Variants in TASP1 observed in about 807,000 individuals in gnomAD.
TASP1 encodes the protein taspase 1.
TASP1 carries 16 observed loss-of-function variants against 56.6 expected under a neutral mutation model. That is an observed-to-expected ratio of 0.28 (90% CI 0.19 to 0.43). TASP1 has a LOEUF of 0.43. Ranked by LOEUF, TASP1 falls within the 20% of genes least tolerant of loss-of-function variation. The pLI is 1.00. For missense variants in TASP1, 393 were observed against 511.6 expected (o/e 0.77, Z 2.24); for synonymous variants, 179 against 184.2 (o/e 0.97, Z 0.23).
intron 12 of TASP1, among the ~76,000 whole-genome samples, chr20:13,421,448 T>C (rs912079139): frequency 2.0e-5 from 3 of 152,086 alleles, no homozygotes; most frequent in Admixed American, 6.6e-5. Context: ...TGGGGAAATA[T>C]TTGCAATTCA....
At chr20:13,403,741 C>A (rs1249971801) in intron 13 of TASP1, among the ~76,000 whole-genome samples, 1 of 151,942 alleles carries the variant, frequency 6.6e-6, no homozygotes, top group South Asian at 2.1e-4. Flanking sequence ...AAAAATTAGC[C>A]AGGTGAGGTG....
chr20:13,185,022 TA>T, the TASP1 span, among the ~76,000 whole-genome samples: 1 of 151,636 alleles, frequency 6.6e-6, no homozygotes, highest in South Asian at 2.1e-4. Flanking sequence ...TATGGAAGAT[TA>T]AAAAAATAAC....
chr20:13,481,732 G>C lies in TASP1; in HGVS notation c.985+1495C>G, dbSNP rs540094690. On this transcript the variant is annotated intron_variant, in intron 11 of 13. Transcript: ENST00000337743. ...ATTTTTATGTCTTCATTTGAGAAAT[G>C]TCTGTTCAAATCTTTTGCCCATTTT... is the stretch of plus-strand genomic sequence containing the variant. Among the ~76,000 whole-genome samples the C allele has an allele frequency of 2.0e-5, 3 of 152,138 alleles. No homozygotes were observed. The South Asian group carries it at 6.2e-4, about 32-fold the overall frequency.
the TASP1 span, among the ~76,000 whole-genome samples, chr20:13,190,640 A>G: frequency 6.6e-6 from 1 of 152,168 alleles, no homozygotes; most frequent in East Asian, 1.9e-4. Flanking sequence ...CTAGAAGAAA[A>G]CATTGGGTAA....
the TASP1 span, among the ~76,000 whole-genome samples, chr20:13,172,027 T>G: frequency 0.02 from 2,974 of 151,774 alleles, 54 homozygotes; most frequent in South Asian, 0.03. Flanking sequence ...TCTTTGAATC[T>G]CAGAATATAA....
At chr20:13,182,140 C>A in the TASP1 span, among the ~76,000 whole-genome samples, 4 of 152,214 alleles carry the variant, frequency 2.6e-5, no homozygotes, top group African/African-American at 9.6e-5. Context: ...CCAGACTAAG[C>A]CCTGCCTTTT....
At chr20:13,226,251 T>C in the TASP1 span, among the ~76,000 whole-genome samples, 2 of 152,362 alleles carry the variant, frequency 1.3e-5, no homozygotes, top group East Asian at 3.9e-4. Flanking sequence ...TAGCTTCTTG[T>C]ATTCACTGCT....
At chr20:13,358,274 C>G in the TASP1 span, among the ~76,000 whole-genome samples, 2 of 152,350 alleles carry the variant, frequency 1.3e-5, no homozygotes, top group African/African-American at 4.8e-5. Context: ...GTGAAATAAA[C>G]AGCCATGTTG....
intron 11 of TASP1, among the ~76,000 whole-genome samples, chr20:13,481,715 GTCT>G (rs2146504052): frequency 6.6e-6 from 1 of 152,194 alleles, no homozygotes; most frequent in African/African-American, 2.4e-5. Context: ...CAATTTTTAT[GTCT>G]TCATTTGAGA....
At chr20:13,320,541 G>A in the TASP1 span, among the ~76,000 whole-genome samples, 1 of 152,188 alleles carries the variant, frequency 6.6e-6, no homozygotes, top group Non-Finnish European at 1.5e-5. Flanking sequence ...CAAATATTAA[G>A]GGAGGATGCT....
At chr20:13,433,842 A>T (rs1010798754) in intron 12 of TASP1, among the ~76,000 whole-genome samples, 23 of 77,222 alleles carry the variant, frequency 3.0e-4, no homozygotes, top group African/African-American at 8.8e-4. Flanking sequence ...TGTTTGTATT[A>T]AAAAAAAAAA....
intron 4 of TASP1, among the ~76,000 whole-genome samples, chr20:13,594,764 A>G (rs1224207721): frequency 2.0e-5 from 3 of 152,250 alleles, no homozygotes; most frequent in Non-Finnish European, 2.9e-5. Context: ...TATACCTCAA[A>G]GTGACAGGCA....
At chr20:13,414,460 C>T (rs1188167021) in intron 13 of TASP1, among the ~76,000 whole-genome samples, 5 of 152,226 alleles carry the variant, frequency 3.3e-5, no homozygotes, top group Middle Eastern at 3.4e-3. Context: ...TGGAGAGACA[C>T]TTAAAGACTA....
chr20:13,577,672 C>A (rs1269793654), intron 6 of TASP1, among the ~76,000 whole-genome samples: 1 of 152,140 alleles, frequency 6.6e-6, no homozygotes. Context: ...GAAGGCAAGC[C>A]AGAAAAGGAA....
In TASP1 at chr20:13,440,358, CAA is replaced by C. The variant is rs539401329; in HGVS notation, c.986-5206_986-5205del. ...AGATCTGGATACAGAGGATCCAAAA[CAA>C]GAGAAGATAATGGGATTCCAGATGA... On this transcript the variant is annotated intron_variant, in intron 11 of 13. Coordinates refer to ENST00000337743, the MANE Select transcript of TASP1 (RefSeq NM_017714.3). Among the ~76,000 whole-genome samples the C allele has an allele frequency of 2.1e-3, 312 of 152,194 alleles. 3 individuals are homozygous for C. Among genetic ancestry groups the C allele is most frequent in the African/African-American group, 7.2e-3 (298 of 41,526 alleles).
chr20:13,214,538 CACACACACACACACACACACACACAGAG>C, the TASP1 span, among the ~76,000 whole-genome samples: 1 of 122,836 alleles, frequency 8.1e-6, no homozygotes, highest in East Asian at 2.0e-4. Context: ...CACACACACA[CACACACACACACACACACACACACAGAG>C]AGAGAGAGAG....
chr20:13,579,416 T>G (rs1166742926), intron 6 of TASP1, among the ~76,000 whole-genome samples: 1 of 152,084 alleles, frequency 6.6e-6, no homozygotes, highest in African/African-American at 2.4e-5. Flanking sequence ...TTGGCCAGGC[T>G]AGAGTGAAGT....
the TASP1 span, among the ~76,000 whole-genome samples, chr20:13,357,815 C>CT: frequency 3.3e-5 from 5 of 151,304 alleles, no homozygotes; most frequent in Non-Finnish European, 1.5e-5. Flanking sequence ...TAATGATCTA[C>CT]TACTACATGC....
chr20:13,515,243 G>A lies in TASP1; in HGVS notation c.874+13190C>T, dbSNP rs546431939. Reference sequence around the variant, plus strand: ...TCCATACATGCTAGACCAAATGGTCGGTTGTTAAACTATTCATTAATGCTC... The same window carrying A: ...TCCATACATGCTAGACCAAATGGTCAGTTGTTAAACTATTCATTAATGCTC... On this transcript the variant is annotated intron_variant, in intron 10 of 13. Coordinates refer to ENST00000337743, the MANE Select transcript of TASP1 (RefSeq NM_017714.3). Among the ~76,000 whole-genome samples, 5 of 152,108 alleles carry A rather than the reference G, an allele frequency of 3.3e-5. No homozygotes were observed. The South Asian group carries it at 8.3e-4, about 25-fold the overall frequency.
Sources: allele counts gnomAD v4.1 joint callset (sites outside exome capture counted in the v4.1 genomes callset), GRCh38; gene constraint gnomAD v4.1.1; transcripts MANE v1.5; gene names NCBI Gene and HGNC (gene_info 2026-07-23, HGNC 2026-07-21).